The following CASK variants were observed in gnomAD, a reference collection of about 807,000 sequenced individuals.
The protein encoded by CASK is calcium/calmodulin dependent serine protein kinase, also known as peripheral plasma membrane protein CASK.
A neutral mutation model predicts 82.9 loss-of-function variants in CASK; 4 were observed. The ratio of observed to expected loss-of-function variants is 0.05; its 90% CI spans 0.02 to 0.11. The LOEUF is 0.11. Ranked by LOEUF, CASK falls within the 10% of genes least tolerant of loss-of-function variation. CASK has a pLI of 1.00. For missense variants in CASK, 358 were observed against 720.9 expected (o/e 0.50, Z 5.76); for synonymous variants, 259 against 253.5 (o/e 1.02, Z -0.20).
Position 41,665,139 on chromosome X carries a change from T to C in CASK, c.708+138A>G, listed in dbSNP as rs184688464. On this transcript the variant is annotated intron_variant, in intron 7 of 26. Transcript: ENST00000378163. The stretch of plus-strand genomic sequence containing the variant: ...CCTACCAAGGCCACTGGATCAATGA[T>C]GTAAGCAAAGACCTTTTCTCTGATG... The C allele has an allele frequency of 7.4e-5, 39 of 526,953 alleles. No homozygotes were observed. The East Asian group carries it at 1.2e-3, about 17-fold the overall frequency. 43.4% of individuals were successfully genotyped at this position (526,953 alleles called of 1,213,427 possible).
At chrX:41,636,149 G>C (rs1345492959) in intron 9 of CASK, among the ~76,000 whole-genome samples, 1 of 109,670 alleles carries the variant, frequency 9.1e-6, no homozygotes, top group Non-Finnish European at 1.9e-5. Context: ...CGCCCGCCTC[G>C]GCCTCCCAAA....
intron 7 of CASK, among the ~76,000 whole-genome samples, chrX:41,661,759 T>C (rs2067037760): frequency 9.1e-6 from 1 of 109,605 alleles, no homozygotes; most frequent in Admixed American, 9.9e-5. Context: ...TAAGGCTGTT[T>C]AATTATCATT....
intron 2 of CASK, among the ~76,000 whole-genome samples, chrX:41,839,455 G>T (rs1254022384): frequency 9.0e-6 from 1 of 110,552 alleles, no homozygotes; most frequent in Non-Finnish European, 1.9e-5. Context: ...TGTTCTTTGC[G>T]AGTATAGAGA....
chrX:41,558,688 A>C (rs1005753233), intron 18 of CASK: 1 of 111,605 alleles, frequency 9.0e-6, no homozygotes, highest in Non-Finnish European at 1.9e-5. Context: ...GAAGTTCCAT[A>C]AAAAGCCACC....
intron 9 of CASK, among the ~76,000 whole-genome samples, chrX:41,630,307 A>C (rs2066444124): frequency 8.9e-6 from 1 of 111,907 alleles, no homozygotes; most frequent in Non-Finnish European, 1.9e-5. Flanking sequence ...TAACTACTGA[A>C]TGCACTTAAG....
chrX:41,893,230 T>A (rs1417274871), intron 1 of CASK, among the ~76,000 whole-genome samples: 1 of 111,985 alleles, frequency 8.9e-6, no homozygotes, highest in Non-Finnish European at 1.9e-5. Flanking sequence ...GGTCCGCTTC[T>A]ACCACAATTC....
chrX:41,921,869 CAAAAAAAAAAAAAA>C (rs11298104), intron 1 of CASK, among the ~76,000 whole-genome samples: 13 of 39,751 alleles, frequency 3.3e-4, no homozygotes, highest in Admixed American at 2.7e-3. Context: ...GCACCGCTTC[CAAAAAAAAAAAAAA>C]AAAAAAAAAG....
intron 5 of CASK, chrX:41,696,897 T>C (rs1261243920): frequency 1.8e-5 from 8 of 438,330 alleles, no homozygotes; most frequent in African/African-American, 7.4e-5. Context: ...CTGCTTGTAT[T>C]TGTGATATTT....
At chrX:41,549,597 T>C (rs1323124518) in intron 21 of CASK, among the ~76,000 whole-genome samples, 2 of 111,939 alleles carry the variant, frequency 1.8e-5, no homozygotes, top group East Asian at 5.6e-4. Flanking sequence ...CCCAACACTT[T>C]AGGAGGTTGA....
intron 2 of CASK, among the ~76,000 whole-genome samples, chrX:41,840,541 T>C (rs1267575830): frequency 1.8e-5 from 2 of 112,202 alleles, no homozygotes; most frequent in African/African-American, 6.5e-5. Flanking sequence ...CAGGTTTACT[T>C]CTTTCCCCCC....
At chrX:41,695,693 C>T (rs756987753) in intron 5 of CASK, 8 of 1,202,987 alleles carry the variant, frequency 6.7e-6, no homozygotes, top group Middle Eastern at 2.3e-4. Context: ...CTTACTCCTC[C>T]CACAGAATGC....
chrX:41,515,146 T>C lies in CASK; in HGVS notation c.*5274A>G, dbSNP rs1465660534. Reference sequence around the variant, plus strand: ...GGCAGCGCACCAGCATTCTGGTTGTTCCGGCGACAGGGCAAAGGGATCAGG... The same window carrying C: ...GGCAGCGCACCAGCATTCTGGTTGTCCCGGCGACAGGGCAAAGGGATCAGG... On this transcript the variant is annotated 3_prime_UTR_variant, in exon 27 of 27. Coordinates refer to ENST00000378163, the MANE Select transcript of CASK (RefSeq NM_001367721.1). 1 of 112,293 alleles carries C rather than the reference T, an allele frequency of 8.9e-6. No homozygotes were observed. The highest frequency in any genetic ancestry group is 3.2e-5 in the African/African-American group (1 of 30,929). 9.3% of individuals were successfully genotyped at this position (112,293 alleles called of 1,213,427 possible). A position where few individuals can be genotyped will look rare whatever the true frequency, so the allele number is the denominator to read the frequency against.
rs769375746 is a variant in CASK at position 41,745,532 on chromosome X, A to T, written c.348T>A (p.Ala116=). The T allele has an allele frequency of 3.4e-6, 4 of 1,187,678 alleles. No individual in the cohort carries two copies. The highest frequency in any genetic ancestry group is 4.6e-6 in the Non-Finnish European group (4 of 873,612). Residue 116 remains alanine, a synonymous_variant, in exon 4 of 27, where the codon GCT becomes GCA. Coordinates refer to ENST00000378163, the MANE Select transcript of CASK (RefSeq NM_001367721.1). ...AGATATACAATACATACCTGGCTAC[A>T]GCTTCACTGTACACAAAACCAGCGT... ...RADAGFVYSE[A]VASHYMRQIL...
At chrX:41,814,643 T>C (rs1447577337) in intron 2 of CASK, among the ~76,000 whole-genome samples, 1 of 107,428 alleles carries the variant, frequency 9.3e-6, no homozygotes, top group Non-Finnish European at 1.9e-5. Flanking sequence ...CTAATGTAAA[T>C]GACGAGTTAA....
chrX:41,557,099 C>T lies in CASK; in HGVS notation c.1739G>A (p.Arg580Lys). Residue 580 changes from arginine (R) to lysine (K), a missense_variant and splice_region_variant, in exon 19 of 27, where the codon AGA becomes AAA. Arg to Lys is a conservative substitution (Grantham distance 26, BLOSUM62 2). Transcript: ENST00000378163. Reference sequence around the variant, plus strand: ...CTGTCTGGAAGTGGAAGGGGAATCTCTCTGAAATAAGACACAAGGTTCATT... The same window carrying T: ...CTGTCTGGAAGTGGAAGGGGAATCTTTCTGAAATAAGACACAAGGTTCATT... The part of the protein sequence containing the change: ...SYRTQSSSCE[R>K]DSPSTSRQSP... The T allele has an allele frequency of 8.4e-7, 1 of 1,192,649 alleles. No individual in the cohort carries two copies. Among genetic ancestry groups the T allele is most frequent in the Non-Finnish European group, 1.1e-6 (1 of 878,219 alleles).
intron 2 of CASK, among the ~76,000 whole-genome samples, chrX:41,813,705 C>A (rs1211458927): frequency 1.8e-5 from 2 of 111,688 alleles, no homozygotes; most frequent in Non-Finnish European, 3.8e-5. Context: ...GTCCAAAACA[C>A]CAAAAGCCAT....
intron 2 of CASK, among the ~76,000 whole-genome samples, chrX:41,809,372 G>A (rs1054487532): frequency 8.9e-6 from 1 of 112,041 alleles, no homozygotes; most frequent in East Asian, 2.8e-4. Flanking sequence ...ACATGGCTGG[G>A]TACCCCTCTG....
intron 5 of CASK, among the ~76,000 whole-genome samples, chrX:41,715,019 C>G (rs1312359288): frequency 1.8e-5 from 2 of 112,294 alleles, no homozygotes; most frequent in Non-Finnish European, 3.8e-5. Flanking sequence ...CTCAACTGAC[C>G]AACAAAGAGT....
At chrX:41,754,884 T>A (rs2068863217) in intron 3 of CASK, among the ~76,000 whole-genome samples, 1 of 104,656 alleles carries the variant, frequency 9.6e-6, no homozygotes, top group Non-Finnish European at 2.0e-5. Flanking sequence ...ACAAGTTTTT[T>A]TTTTTTTTTT....
Sources: gnomAD v4.1 joint callset for allele counts (sites outside exome capture counted in the v4.1 genomes callset) on GRCh38, gnomAD v4.1.1 for gene constraint, MANE v1.5 for transcripts, NCBI Gene and HGNC (gene_info 2026-07-23, HGNC 2026-07-21) for gene names.